ETV4: variants seen among roughly 807,000 people sequenced by gnomAD.
The protein encoded by ETV4 is ETS variant transcription factor 4, also known as ETS translocation variant 4.
In ETV4, 42 loss-of-function variants were observed where a neutral mutation model predicts 65.9. The ratio of observed to expected loss-of-function variants is 0.64; its 90% confidence interval spans 0.50 to 0.82. ETV4 has a LOEUF of 0.82. Among genes scored for constraint, ETV4 ranks in the 40% least tolerant of loss-of-function variants. ETV4 has a pLI of 0.00. For synonymous variants in ETV4, 238 were observed against 260.0 expected (o/e 0.92, Z 0.81); for missense variants, 583 against 630.3 (o/e 0.92, Z 0.80).
rs1446359888 is a variant in ETV4, at chr17:43,533,199, A to T, written c.533T>A (p.Leu178His). 2 of 1,613,370 alleles carry T rather than the reference A, an allele frequency of 1.2e-6. No homozygotes were observed. The highest frequency in any genetic ancestry group is 2.2e-5 in the South Asian group (2 of 91,018). Residue 178 changes from leucine to histidine, a missense_variant, in exon 7 of 13, where the codon CTC becomes CAC. Physicochemically the swap from Leu to His is moderately conservative, Grantham distance 99. Transcript: ENST00000319349. ...TSQPHPGHGY[L>H]GEHSSVFQQP... ...CCTGTCTCCTTACCTATGTTCCCCG[A>T]GGTACCCATGGCCAGGGTGGGGCTG...
intron 12 of ETV4, 67 bp from the exon 13 acceptor site, chr17:43,528,810 G>C (rs1177217686): frequency 7.5e-7 from 1 of 1,329,074 alleles, no homozygotes; most frequent in East Asian, 2.3e-5. Context: ...GTAAGGTGGG[G>C]GAGTGGGGAA....
chr17:43,528,783 C>G (rs1970722831), intron 12 of ETV4, 40 bp from the exon 13 acceptor site: 2 of 1,573,060 alleles, frequency 1.3e-6, no homozygotes, highest in African/African-American at 2.7e-5. Flanking sequence ...TGGCTAGCCG[C>G]CCAGCCTTTG....
chr17:43,533,863 A>G lies in ETV4; in HGVS notation c.379T>C (p.Ser127Pro), dbSNP rs776054019. ...PYHHGEQCLY[S>P]SAYDPPRQIA... is the part of the protein sequence containing the mutation. ...CAGGTCCAGGCTGGGGCTCACCTGGAGTAAAGGCACTGCTCGCCATGGTGG... is the reference window on the plus strand; with the variant it reads ...CAGGTCCAGGCTGGGGCTCACCTGGGGTAAAGGCACTGCTCGCCATGGTGG... The change falls in exon 6 of 13, where the codon TCC becomes CCC. Residue 127 changes from serine to proline, a missense_variant. Ser to Pro is a moderately conservative substitution (Grantham distance 74). Coordinates refer to ENST00000319349, the MANE Select transcript of ETV4 (RefSeq NM_001079675.5). The G allele has an allele frequency of 6.2e-5, 100 of 1,606,468 alleles. 2 individuals are homozygous for G. The Middle Eastern group carries it at 8.5e-4, about 14-fold the overall frequency.
In ETV4 at chr17:43,533,879, G is replaced by T; in HGVS notation, c.363C>A (p.Gly121=). 6.2e-7 allele frequency: 1 copy of T among 1,605,458 alleles called. No individual in the cohort carries two copies. The highest frequency in any genetic ancestry group is 8.5e-7 in the Non-Finnish European group (1 of 1,176,594). Residue 121 remains glycine (G), a synonymous_variant, in exon 6 of 13, where the codon GGC becomes GGA. Coordinates refer to ENST00000319349, the MANE Select transcript of ETV4 (RefSeq NM_001079675.5). The part of the protein sequence containing the change: ...SRKPPLPYHH[G]EQCLYSSAYD... The stretch of plus-strand genomic sequence containing the variant: ...CTCACCTGGAGTAAAGGCACTGCTC[G>T]CCATGGTGGTAGGGGAGTGGCGGCT...
chr17:43,529,746 G>A (rs1244261132), intron 10 of ETV4, 70 bp from the exon 11 acceptor site: 9 of 1,590,266 alleles, frequency 5.7e-6, no homozygotes, highest in East Asian at 2.2e-5. Context: ...CCTCCCACCC[G>A]AGGGATTTCT....
chr17:43,532,618 C>A, intron 8 of ETV4, 56 bp downstream of exon 8: 2 of 1,485,246 alleles, frequency 1.3e-6, no homozygotes, highest in Non-Finnish European at 1.8e-6. Context: ...GGGAGACATT[C>A]TGGGCTTAAC....
intron 4 of ETV4, among the ~76,000 whole-genome samples, chr17:43,543,381 C>T (rs1664684763): frequency 6.6e-6 from 1 of 152,032 alleles, no homozygotes; most frequent in Non-Finnish European, 1.5e-5. Flanking sequence ...GGTGGGACTT[C>T]CAAGGTAGAG....
At chr17:43,532,224 G>A (rs559457245) in intron 8 of ETV4, among the ~76,000 whole-genome samples, 36 of 152,186 alleles carry the variant, frequency 2.4e-4, no homozygotes, top group Non-Finnish European at 5.0e-4. Context: ...ATTTGTCCGG[G>A]TGAGGTGGCT....
rs1017960083 is a variant in ETV4, at chr17:43,546,255, G to A, written c.-122C>T. 3.7e-4 allele frequency: 57 copies of A among 152,338 alleles called. No homozygotes were observed. Among genetic ancestry groups the A allele is most frequent in the Non-Finnish European group, 6.4e-4 (44 of 68,332 alleles). The allele number at this position is 152,338 out of a possible 1,614,324, so 9.4% of individuals were successfully genotyped here. On this transcript the variant is annotated 5_prime_UTR_variant, in exon 1 of 13. Coordinates refer to ENST00000319349, the MANE Select transcript of ETV4 (RefSeq NM_001079675.5). ...TGCCCTGGAGCCCGCACCGAGGGCCGCGGGGCTAGGCCGGAGTAAGGCGGC... is the reference window on the plus strand; with the variant it reads ...TGCCCTGGAGCCCGCACCGAGGGCCACGGGGCTAGGCCGGAGTAAGGCGGC...
rs865900597 is a variant in ETV4 at position 43,530,870 on chromosome 17, A to T, written c.812-689T>A. ...CCTATGAATGAGAAGATGGTGAAAC[A>T]TGACACCTCCGGGAGGAGGCGGGAG... On this transcript the variant is annotated intron_variant, in intron 8 of 12. Transcript: ENST00000319349. Among the ~76,000 whole-genome samples the T allele has an allele frequency of 1.0e-3, 157 of 152,042 alleles. 1 individual carries two copies. Among genetic ancestry groups the T allele is most frequent in the African/African-American group, 3.5e-3 (145 of 41,480 alleles).
At position 43,545,283 on chromosome 17, in the gene ETV4, C is replaced by A; in HGVS notation, c.145G>T (p.Asp49Tyr). The change falls in exon 3 of 13, where the codon GAC (aspartate) becomes TAC (tyrosine). Residue 49 changes from aspartate (D) to tyrosine (Y), a missense_variant. Physicochemically the swap from Asp to Tyr is radical, Grantham distance 160. Transcript: ENST00000319349. The stretch of plus-strand genomic sequence containing the variant: ...CTCTCTTGCTCTTTACCTTCAGAGT[C>A]GAGGGGCGGCAGGGAGCCCGGGTCC... Reference protein sequence around the residue: ...LMDPGSLPPLDSEDLFQDLSH... With the variant: ...LMDPGSLPPLYSEDLFQDLSH... 9 of 1,605,536 alleles carry A rather than the reference C, an allele frequency of 5.6e-6. No individual in the cohort carries two copies. The highest frequency in any genetic ancestry group is 7.6e-6 in the Non-Finnish European group (9 of 1,176,528).
chr17:43,530,538 G>A (rs964932439), intron 8 of ETV4: 26 of 810,994 alleles, frequency 3.2e-5, no homozygotes, highest in Non-Finnish European at 3.9e-5. Context: ...CGGTGTCCAC[G>A]CCTAAGACTC....
At chr17:43,543,072 G>C (rs1484576652) in intron 4 of ETV4, among the ~76,000 whole-genome samples, 1 of 152,052 alleles carries the variant, frequency 6.6e-6, no homozygotes, top group Admixed American at 6.6e-5. Flanking sequence ...AAGTGAGAAG[G>C]AGCGATCGGC....
rs925179572 is a variant in ETV4, at chr17:43,529,517, A to G, written c.1115T>C (p.Ile372Thr). ...WTGRGMEFKL[I>T]EPEEVARLWG... Reference sequence around the variant, plus strand: ...CGAGAGGCCCACCTCCTCAGGCTCAATGAGCTTGAACTCCATTCCCCGGCC... The same window carrying G: ...CGAGAGGCCCACCTCCTCAGGCTCAGTGAGCTTGAACTCCATTCCCCGGCC... The change falls in exon 11 of 13, where the codon ATT (isoleucine) becomes ACT (threonine). Residue 372 changes from isoleucine to threonine, a missense_variant. Physicochemically the swap from Ile to Thr is moderately conservative, Grantham distance 89 (BLOSUM62 -1). Coordinates refer to ENST00000319349, the MANE Select transcript of ETV4 (RefSeq NM_001079675.5). 1 of 1,612,190 alleles carries G rather than the reference A, an allele frequency of 6.2e-7. No homozygotes were observed. The highest frequency in any genetic ancestry group is 1.3e-5 in the African/African-American group (1 of 74,972).
At chr17:43,533,373 T>G (rs762144544) in intron 6 of ETV4, 25 bp from the exon 7 acceptor site, 2 of 1,598,420 alleles carry the variant, frequency 1.3e-6, no homozygotes, top group Admixed American at 1.7e-5. Flanking sequence ...GAGACAGGGG[T>G]GAGGGGGCAG....
intron 4 of ETV4, among the ~76,000 whole-genome samples, chr17:43,538,803 ACTCTCCTTCCCTGGAGACTGCT>A (rs983404701): frequency 1.2e-4 from 18 of 151,600 alleles, no homozygotes; most frequent in East Asian, 9.7e-4. Context: ...AGGAGGCTGG[ACTCTCCTTCCCTGGAGACTGCT>A]CTCTCCTTCC....
intron 4 of ETV4, among the ~76,000 whole-genome samples, chr17:43,537,183 T>C (rs943959528): frequency 2.8e-5 from 4 of 145,024 alleles, no homozygotes; most frequent in African/African-American, 1.0e-4. Flanking sequence ...CTGGCCAACA[T>C]GACGAAACCC....
In ETV4 at chr17:43,546,302, C is replaced by T. The variant is rs3765174; in HGVS notation, c.-169G>A. ...CGGCCCCGGCCCCGGGTCCCCAGCG[C>T]ACCGACTTGTTTTTCGGGCGCAGCA... On this transcript the variant is annotated 5_prime_UTR_variant, in exon 1 of 13. Transcript: ENST00000319349. 0.25 allele frequency: 38,425 copies of T among 152,120 alleles called. 5,548 individuals carry two copies. The highest frequency in any genetic ancestry group is 0.32 in the East Asian group (1,618 of 5,114). 9.4% of individuals were successfully genotyped at this position (152,120 alleles called of 1,614,324 possible).
At chr17:43,528,909 T>C (rs1446303156) in intron 12 of ETV4, among the ~76,000 whole-genome samples, 166 bp from the exon 13 acceptor site, 1 of 152,134 alleles carries the variant, frequency 6.6e-6, no homozygotes, top group African/African-American at 2.4e-5. Context: ...TCACAGTTCT[T>C]ACTCCTTTTT....
Sources: allele counts gnomAD v4.1 joint callset (sites outside exome capture counted in the v4.1 genomes callset), GRCh38; gene constraint gnomAD v4.1.1; transcripts MANE v1.5; gene names NCBI Gene and HGNC (gene_info 2026-07-23, HGNC 2026-07-21).